The following SP100 variants were observed in gnomAD, a reference collection of about 807,000 sequenced individuals.
The protein encoded by SP100 is SP100 nuclear body protein, also known as nuclear autoantigen Sp-100.
Under a neutral mutation model 130.0 loss-of-function variants are expected in SP100, and 84 were observed. The observed-to-expected ratio is 0.65, with a 90% CI of 0.54 to 0.77. The LOEUF is 0.77. Among genes scored for constraint, SP100 ranks in the 30% least tolerant of loss-of-function variants. The pLI is 0.00. For missense variants in SP100, 978 were observed against 1,052.2 expected (o/e 0.93, Z 0.97); for synonymous variants, 331 against 351.7 (o/e 0.94, Z 0.66).
At chr2:230,532,567 T>G (rs1404724280) in intron 24 of SP100, among the ~76,000 whole-genome samples, 2 of 152,078 alleles carry the variant, frequency 1.3e-5, no homozygotes, top group Admixed American at 1.3e-4. Flanking sequence ...ACTAGTGAGT[T>G]TTGATCCCAA....
Position 230,541,287 on chromosome 2 carries a change from T to A in SP100, c.2332-14T>A, listed in dbSNP as rs369916878. On this transcript the variant is annotated splice_polypyrimidine_tract_variant and intron_variant, in intron 26 of 28. Transcript: ENST00000340126. ...AAATTGCATTTAATTTGAAATGGCC[T>A]CCATCTTTTGCAGAAATGTGAATTC... is the stretch of plus-strand genomic sequence containing the variant. The A allele has an allele frequency of 1.2e-6, 2 of 1,611,654 alleles. No individual in the cohort carries two copies. The highest frequency in any genetic ancestry group is 2.7e-5 in the African/African-American group (2 of 74,822).
At position 230,504,187 on chromosome 2, in the gene SP100, T is replaced by G; in HGVS notation, c.1767T>G (p.Gly589=). 1 of 1,600,754 alleles carries G rather than the reference T, an allele frequency of 6.2e-7. No individual in the cohort carries two copies. Among genetic ancestry groups the G allele is most frequent in the Non-Finnish European group, 8.6e-7 (1 of 1,169,104 alleles). The part of the protein sequence containing the change: ...TRPLKRRRKR[G]PRIPKDENIN... ...GGAAAAAAAAATGCTTCCTTGCAGGTCCAAGAATTCCCAAAGATGAAAATA... is the reference window on the plus strand; with the variant it reads ...GGAAAAAAAAATGCTTCCTTGCAGGGCCAAGAATTCCCAAAGATGAAAATA... Residue 589 remains glycine (G), a splice_region_variant and synonymous_variant, in exon 21 of 29, where the codon GGT becomes GGG. Transcript: ENST00000340126.
intron 18 of SP100, among the ~76,000 whole-genome samples, chr2:230,497,472 G>A (rs1172927639): frequency 1.4e-5 from 1 of 69,126 alleles, no homozygotes; most frequent in Non-Finnish European, 2.9e-5. Context: ...AGGGAAGGAG[G>A]GGAGGGGAGG....
chr2:230,523,512 A>AAAAT (rs199798362), intron 24 of SP100, among the ~76,000 whole-genome samples: 1,976 of 152,120 alleles, frequency 0.013, 38 homozygotes, highest in African/African-American at 0.045. Flanking sequence ...ATAAAAAATA[A>AAAAT]AAATAAATAA....
intron 20 of SP100, among the ~76,000 whole-genome samples, chr2:230,503,618 C>A (rs1296473372): frequency 6.6e-6 from 1 of 152,206 alleles, no homozygotes; most frequent in Non-Finnish European, 1.5e-5. Flanking sequence ...GTCAATCTCT[C>A]TTTATCCCTC....
chr2:230,511,057 T>C, intron 23 of SP100, 68 bp from the exon 24 acceptor site: 2 of 1,035,844 alleles, frequency 1.9e-6, no homozygotes, highest in Non-Finnish European at 3.1e-6. Context: ...TAAAGAAGTC[T>C]GTTCAAATGT....
intron 2 of SP100, among the ~76,000 whole-genome samples, chr2:230,431,944 T>G (rs905917950): frequency 5.0e-4 from 76 of 152,304 alleles, no homozygotes; most frequent in Non-Finnish European, 1.5e-4. Context: ...CTCAATGATT[T>G]TTAACAGAAT....
rs1039156341 is a variant in SP100 at position 230,483,072 on chromosome 2, T to A, written c.1600+8625T>A. ...ACCCTTTATTCATTTATTCAGCAAA[T>A]CCTTATTTCCAATGTTGCTCAATAG... On this transcript the variant is annotated intron_variant, in intron 17 of 28. Coordinates refer to ENST00000340126, the MANE Select transcript of SP100 (RefSeq NM_001080391.2). Among the ~76,000 whole-genome samples the A allele has an allele frequency of 3.3e-5, 5 of 152,320 alleles. No homozygotes were observed. In the South Asian group the frequency reaches 1.0e-3, roughly 32 times the overall value.
At chr2:230,493,422 G>A (rs2066495322) in intron 17 of SP100, among the ~76,000 whole-genome samples, 2 of 152,074 alleles carry the variant, frequency 1.3e-5, no homozygotes, top group Admixed American at 6.5e-5. Context: ...TTGCCATGTT[G>A]GCCAGGCTGG....
intron 20 of SP100, among the ~76,000 whole-genome samples, chr2:230,503,638 T>A (rs1318410358): frequency 6.6e-6 from 1 of 152,204 alleles, no homozygotes; most frequent in Non-Finnish European, 1.5e-5. Flanking sequence ...CCTCTCTCAA[T>A]GTGCAGTTTC....
intron 8 of SP100, among the ~76,000 whole-genome samples, chr2:230,461,059 C>T (rs111464153): frequency 6.0e-5 from 9 of 150,900 alleles, no homozygotes; most frequent in Non-Finnish European, 8.8e-5. Flanking sequence ...AAGAATGAGA[C>T]GAGTAGGTAA....
intron 15 of SP100, chr2:230,470,420 G>A (rs1379838562): frequency 1.2e-5 from 12 of 1,008,588 alleles, no homozygotes; most frequent in Non-Finnish European, 1.4e-5. Flanking sequence ...TTTTTATAGT[G>A]ATAAATGGGT....
intron 24 of SP100, among the ~76,000 whole-genome samples, chr2:230,514,172 G>A (rs943812787): frequency 6.6e-6 from 1 of 151,976 alleles, no homozygotes; most frequent in Non-Finnish European, 1.5e-5. Flanking sequence ...AAAGAAATTA[G>A]TCCTAAGAGT....
chr2:230,509,341 GTCAC>G (rs1690401669), intron 23 of SP100: 1 of 152,194 alleles, frequency 6.6e-6, no homozygotes, highest in Non-Finnish European at 1.5e-5. Flanking sequence ...ATACCAGGAA[GTCAC>G]AATCTTTACA....
At position 230,543,598 on chromosome 2, in the gene SP100, T is replaced by C. The variant is rs1692245723; in HGVS notation, c.*652T>C. Reference sequence around the variant, plus strand: ...ATAAAATACCTAGGAATACAGCTAATCAGGGAGGTGAGAGAGTTCTACAAT... The same window carrying C: ...ATAAAATACCTAGGAATACAGCTAACCAGGGAGGTGAGAGAGTTCTACAAT... On this transcript the variant is annotated 3_prime_UTR_variant, in exon 29 of 29. Coordinates refer to ENST00000340126, the MANE Select transcript of SP100 (RefSeq NM_001080391.2). 6.6e-6 allele frequency: 1 copy of C among 152,076 alleles called. No individual in the cohort carries two copies. The highest frequency in any genetic ancestry group is 2.4e-5 in the African/African-American group (1 of 41,394). 9.4% of individuals were successfully genotyped at this position (152,076 alleles called of 1,614,324 possible).
At position 230,471,396 on chromosome 2, in the gene SP100, T is replaced by C. The variant is rs560487470; in HGVS notation, c.1429+1298T>C. On this transcript the variant is annotated intron_variant, in intron 15 of 28. Transcript: ENST00000340126. ...CATGACCACATTGAGACAGGTTCCC[T>C]GGTTTCCTCGTCACTGTCTATAGTC... Among the ~76,000 whole-genome samples, 10 of 152,344 alleles carry C rather than the reference T, an allele frequency of 6.6e-5. No individual in the cohort carries two copies. The South Asian group carries it at 1.9e-3, about 28-fold the overall frequency.
At chr2:230,424,351 A>G (rs2062857248) in intron 2 of SP100, among the ~76,000 whole-genome samples, 5 of 152,186 alleles carry the variant, frequency 3.3e-5, no homozygotes, top group Admixed American at 3.3e-4. Context: ...AGCATAATGA[A>G]GTCATGGAAT....
At chr2:230,472,305 G>GT (rs2065303425) in intron 15 of SP100, among the ~76,000 whole-genome samples, 1 of 151,810 alleles carries the variant, frequency 6.6e-6, no homozygotes, top group African/African-American at 2.4e-5. Flanking sequence ...GCAGGCAGCT[G>GT]TAGCTCCAGC....
chr2:230,453,364 A>C (rs1013962569), intron 8 of SP100, among the ~76,000 whole-genome samples: 1 of 152,162 alleles, frequency 6.6e-6, no homozygotes, highest in Non-Finnish European at 1.5e-5. Flanking sequence ...ACACAGCAAG[A>C]CCATATCAGC....
Sources: allele counts gnomAD v4.1 joint callset (sites outside exome capture counted in the v4.1 genomes callset), GRCh38; gene constraint gnomAD v4.1.1; transcripts MANE v1.5; gene names NCBI Gene and HGNC (gene_info 2026-07-23, HGNC 2026-07-21).